The following PAX2 variants were observed in gnomAD, a reference collection of about 807,000 sequenced individuals.
PAX2 encodes paired box protein Pax-2.
A neutral mutation model predicts 41.7 loss-of-function variants in PAX2; 9 were observed. The ratio of observed to expected loss-of-function variants is 0.22; its 90% confidence interval spans 0.13 to 0.38. The LOEUF is 0.38. PAX2 is among the 10% of genes least tolerant of loss of function. The pLI is 1.00. For missense variants in PAX2, 418 were observed against 531.6 expected (o/e 0.79, Z 2.10); for synonymous variants, 221 against 212.7 (o/e 1.04, Z -0.34).
At chr10:100,781,166 C>A in intron 4 of PAX2, 80 bp from the exon 5 acceptor site, 1 of 1,436,572 alleles carries the variant, frequency 7.0e-7, no homozygotes, top group Non-Finnish European at 9.8e-7. Context: ...TCTCTCTGCC[C>A]CCCAGCCTTG....
chr10:100,742,790 G>C (rs1328886824), upstream of PAX2, among the ~76,000 whole-genome samples: 1 of 146,594 alleles, frequency 6.8e-6, no homozygotes, highest in African/African-American at 2.5e-5. Flanking sequence ...AGTGTTTGGG[G>C]TTGGGTTGTT....
chr10:100,754,744 G>A (rs986123276), intron 3 of PAX2, among the ~76,000 whole-genome samples: 5 of 152,176 alleles, frequency 3.3e-5, no homozygotes, highest in African/African-American at 4.8e-5. Flanking sequence ...GATATGTTCC[G>A]GGCTAGGGTC....
At chr10:100,774,420 C>G (rs897070218) in intron 3 of PAX2, among the ~76,000 whole-genome samples, 3 of 152,084 alleles carry the variant, frequency 2.0e-5, no homozygotes, top group African/African-American at 7.2e-5. Flanking sequence ...GTCCAGCCCC[C>G]AGTCTGTCTG....
At chr10:100,764,421 C>T (rs932008246) in intron 3 of PAX2, among the ~76,000 whole-genome samples, 6 of 152,068 alleles carry the variant, frequency 3.9e-5, no homozygotes, top group African/African-American at 1.2e-4. Flanking sequence ...GGATTACAGG[C>T]GTCAGCCACC....
At chr10:100,770,382 T>C (rs1396699435) in intron 3 of PAX2, among the ~76,000 whole-genome samples, 1 of 152,222 alleles carries the variant, frequency 6.6e-6, no homozygotes, top group African/African-American at 2.4e-5. Flanking sequence ...CCAGAAGCTC[T>C]GACAGATGAG....
chr10:100,749,817 C>G lies in PAX2; in HGVS notation c.115C>G (p.Gln39Glu). ...CCGGCCCCTACCCGACGTGGTGAGG[C>G]AGCGCATCGTGGAGCTGGCCCACCA... ...NGRPLPDVVR[Q>E]RIVELAHQGV... is the part of the protein sequence containing the mutation. The change falls in exon 2 of 10, where the codon CAG (glutamine) becomes GAG (glutamate). Residue 39 changes from glutamine (Q) to glutamate (E), a missense_variant. This residue lies in a region of PAX2 where 108 missense variants were observed against 206.3 expected (regional missense o/e 0.52). Coordinates refer to ENST00000355243, the MANE Select transcript of PAX2 (RefSeq NM_000278.5). 6.2e-7 allele frequency: 1 copy of G among 1,611,674 alleles called. No homozygotes were observed. The highest frequency in any genetic ancestry group is 8.5e-7 in the Non-Finnish European group (1 of 1,178,838).
At chr10:100,764,763 G>T (rs1243755818) in intron 3 of PAX2, among the ~76,000 whole-genome samples, 1 of 152,018 alleles carries the variant, frequency 6.6e-6, no homozygotes, top group African/African-American at 2.4e-5. Context: ...TTCAAGGTTG[G>T]CATTTTCTAG....
intron 3 of PAX2, among the ~76,000 whole-genome samples, chr10:100,760,082 C>G: frequency 6.6e-6 from 1 of 152,092 alleles, no homozygotes; most frequent in East Asian, 1.9e-4. Context: ...GTGCGTTTTC[C>G]CAAGAGAAGT....
intron 7 of PAX2, among the ~76,000 whole-genome samples, chr10:100,815,924 C>T (rs1034421107): frequency 2.0e-5 from 3 of 152,164 alleles, no homozygotes; most frequent in South Asian, 2.1e-4. Context: ...GGAGGAGCAT[C>T]GTAGGGAGGG....
chr10:100,784,018 C>G (rs1350677939), intron 5 of PAX2, among the ~76,000 whole-genome samples: 1 of 152,132 alleles, frequency 6.6e-6, no homozygotes, highest in Non-Finnish European at 1.5e-5. Context: ...ACCTCCCCCT[C>G]CAATCCTGAT....
intron 3 of PAX2, among the ~76,000 whole-genome samples, chr10:100,760,913 A>G (rs570664767): frequency 6.6e-6 from 1 of 152,272 alleles, no homozygotes; most frequent in East Asian, 1.9e-4. Flanking sequence ...AGGAGCTGAC[A>G]CTAGGGCAGG....
intron 1 of PAX2, 169 bp from the exon 2 acceptor site, chr10:100,749,577 T>A (rs897105413): frequency 7.1e-6 from 10 of 1,415,080 alleles, no homozygotes; most frequent in Non-Finnish European, 9.2e-6. Flanking sequence ...GTGCTTCCAG[T>A]CCCCACTCCT....
At chr10:100,749,347 G>A in intron 1 of PAX2, 1 of 1,015,698 alleles carries the variant, frequency 9.8e-7, no homozygotes, top group Non-Finnish European at 1.2e-6. Context: ...TGCGGCGCAG[G>A]CGGGATGCTG....
intron 5 of PAX2, among the ~76,000 whole-genome samples, chr10:100,805,949 C>T (rs1360019633): frequency 2.0e-5 from 3 of 152,190 alleles, no homozygotes; most frequent in Admixed American, 6.5e-5. Flanking sequence ...AGGTTACACT[C>T]GGCCTCGGAA....
chr10:100,737,562 G>A (rs1844818894), intron 1 of PAX2, among the ~76,000 whole-genome samples: 1 of 152,242 alleles, frequency 6.6e-6, no homozygotes, highest in Non-Finnish European at 1.5e-5. Flanking sequence ...TGCGGAGCTG[G>A]GCAGGAGACA....
In PAX2 at chr10:100,749,672, G is replaced by A. The variant is rs1472508326; in HGVS notation, c.44-74G>A. On this transcript the variant is annotated intron_variant, in intron 1 of 9. Transcript: ENST00000355243. ...CCTGCCTGCTTCCTTCGCCCGTCCC[G>A]GGCCGCGGACCCTGACTAATGGCCG... is the stretch of plus-strand genomic sequence containing the variant. 5.1e-6 allele frequency: 8 copies of A among 1,554,336 alleles called. No individual in the cohort carries two copies. In the South Asian group the frequency reaches 7.3e-5, roughly 14 times the overall value.
At chr10:100,796,210 A>T (rs1479807536) in intron 5 of PAX2, among the ~76,000 whole-genome samples, 1 of 152,244 alleles carries the variant, frequency 6.6e-6, no homozygotes, top group Non-Finnish European at 1.5e-5. Context: ...TGTCGTCACC[A>T]GGAGATAACC....
intron 5 of PAX2, among the ~76,000 whole-genome samples, chr10:100,781,715 C>T (rs1846636907): frequency 6.6e-6 from 1 of 152,212 alleles, no homozygotes; most frequent in Non-Finnish European, 1.5e-5. Flanking sequence ...GGCCAACCTA[C>T]CTTGTCCTTA....
In PAX2 at chr10:100,748,835, G is replaced by A. The variant is rs182169953; in HGVS notation, c.44-911G>A. 2 of 985,268 alleles carry A rather than the reference G, an allele frequency of 2.0e-6. No individual in the cohort carries two copies. Among genetic ancestry groups the A allele is most frequent in the African/African-American group, 3.5e-5 (2 of 57,146 alleles). 61.0% of individuals were successfully genotyped at this position (985,268 alleles called of 1,614,324 possible). On this transcript the variant is annotated intron_variant, in intron 1 of 9. Transcript: ENST00000355243. The surrounding 1 kb of genome is among the most constrained non-coding windows in gnomAD (Gnocchi z 5.0). ...TCAAAGGGACTCGAGTCGGGTTTGGGTCGGCTACACAGGGCGCCCCGAGAG... is the reference window on the plus strand; with the variant it reads ...TCAAAGGGACTCGAGTCGGGTTTGGATCGGCTACACAGGGCGCCCCGAGAG...
Sources: allele counts gnomAD v4.1 joint callset (sites outside exome capture counted in the v4.1 genomes callset), GRCh38; gene constraint gnomAD v4.1.1; regional missense constraint gnomAD v4.1.1; non-coding constraint Gnocchi (gnomAD v3.1); transcripts MANE v1.5; gene names NCBI Gene and HGNC (gene_info 2026-07-23, HGNC 2026-07-21).